The following STX12 variants were observed in gnomAD, a reference collection of about 807,000 sequenced individuals.
STX12 encodes syntaxin 12, also known as syntaxin-12.
In STX12, 17 loss-of-function variants were observed where a neutral mutation model predicts 42.2. The ratio of observed to expected loss-of-function variants is 0.40; its 90% confidence interval spans 0.28 to 0.60. STX12 has a LOEUF of 0.60. Ranked by LOEUF, STX12 falls within the 20% of genes least tolerant of loss-of-function variation. The pLI, the probability that STX12 is intolerant of heterozygous loss-of-function variation, is 0.39. For missense variants in STX12, 297 were observed against 330.9 expected (o/e 0.90, Z 0.79); for synonymous variants, 108 against 116.7 (o/e 0.93, Z 0.48).
At chr1:27,805,064 GAAC>G (rs917027559) in intron 4 of STX12, among the ~76,000 whole-genome samples, 1 of 152,038 alleles carries the variant, frequency 6.6e-6, no homozygotes, top group Non-Finnish European at 1.5e-5. Flanking sequence ...ACTATCACGA[GAAC>G]AACAAGGGGA....
intron 3 of STX12, among the ~76,000 whole-genome samples, chr1:27,797,681 A>G (rs2088796271): frequency 6.6e-6 from 1 of 151,978 alleles, no homozygotes; most frequent in Admixed American, 6.6e-5. Context: ...TCTTCAATTC[A>G]TGTTCTGACA....
chr1:27,783,295 A>G (rs978539180), intron 1 of STX12, among the ~76,000 whole-genome samples: 2 of 152,166 alleles, frequency 1.3e-5, no homozygotes, highest in African/African-American at 4.8e-5. Context: ...ATGAGAGGTC[A>G]GCGATAGGAG....
At chr1:27,821,979 C>T (rs999931617) in intron 8 of STX12, among the ~76,000 whole-genome samples, 4 of 151,890 alleles carry the variant, frequency 2.6e-5, no homozygotes, top group African/African-American at 4.8e-5. Context: ...GATCGCACCA[C>T]GGCACTCCAG....
At chr1:27,774,879 G>C (rs1185047472) in intron 1 of STX12, among the ~76,000 whole-genome samples, 2 of 152,064 alleles carry the variant, frequency 1.3e-5, no homozygotes, top group African/African-American at 4.8e-5. Context: ...TCACTATGTT[G>C]CCCAGGCTCA....
chr1:27,804,868 A>G (rs925928374), intron 4 of STX12, among the ~76,000 whole-genome samples: 2 of 152,054 alleles, frequency 1.3e-5, no homozygotes, highest in African/African-American at 4.8e-5. Context: ...TTTAATTTAT[A>G]TTGAAGTATT....
At chr1:27,785,260 G>C (rs1341553551) in intron 1 of STX12, among the ~76,000 whole-genome samples, 2 of 152,148 alleles carry the variant, frequency 1.3e-5, no homozygotes, top group Non-Finnish European at 2.9e-5. Flanking sequence ...TGTGTGTTGG[G>C]AGGAGTTATA....
At chr1:27,794,410 C>T (rs2088770962) in intron 3 of STX12, among the ~76,000 whole-genome samples, 1 of 152,178 alleles carries the variant, frequency 6.6e-6, no homozygotes, top group Non-Finnish European at 1.5e-5. Context: ...CATGTTCTGT[C>T]ATGAGTTATT....
chr1:27,816,078 G>C (rs1439355253), intron 6 of STX12, among the ~76,000 whole-genome samples: 2 of 152,154 alleles, frequency 1.3e-5, no homozygotes, highest in African/African-American at 4.8e-5. Context: ...CACTTTGGGA[G>C]GCCAAAGTGG....
chr1:27,799,477 G>GTTTTTTTTTGTTTTTTTTT (rs2088811549), intron 3 of STX12, among the ~76,000 whole-genome samples: 2 of 130,714 alleles, frequency 1.5e-5, no homozygotes, highest in African/African-American at 6.4e-5. Context: ...TCATTAGCTT[G>GTTTTTTTTTGTTTTTTTTT]TTTTTTTTTT....
intron 8 of STX12, 149 bp from the exon 9 acceptor site, chr1:27,822,080 TAA>T: frequency 1.7e-6 from 1 of 598,624 alleles, no homozygotes; most frequent in East Asian, 2.8e-5. Context: ...GCTGCTGACT[TAA>T]GATTTCTGGG....
chr1:27,776,679 T>C (rs2088630105), intron 1 of STX12, among the ~76,000 whole-genome samples: 2 of 152,220 alleles, frequency 1.3e-5, no homozygotes, highest in African/African-American at 4.8e-5. Context: ...ATTATGCCAC[T>C]GTACTGCAGC....
At chr1:27,819,754 A>C (rs1164712864) in intron 8 of STX12, 22 bp downstream of exon 8, 1 of 1,609,396 alleles carries the variant, frequency 6.2e-7, no homozygotes, top group Non-Finnish European at 8.5e-7. Flanking sequence ...TACCAAAGAA[A>C]GTCACTCTGT....
intron 7 of STX12, among the ~76,000 whole-genome samples, chr1:27,818,882 C>T (rs2088962853): frequency 6.6e-6 from 1 of 152,156 alleles, no homozygotes; most frequent in Non-Finnish European, 1.5e-5. Flanking sequence ...CCCGCCTTGG[C>T]CTCCCAGGTG....
chr1:27,779,631 C>G (rs940256444), intron 1 of STX12, among the ~76,000 whole-genome samples: 1 of 152,008 alleles, frequency 6.6e-6, no homozygotes, highest in Non-Finnish European at 1.5e-5. Context: ...CGTGCCTGGC[C>G]TGAATCAGAT....
At chr1:27,785,762 A>G (rs1193030342) in intron 1 of STX12, among the ~76,000 whole-genome samples, 1 of 152,158 alleles carries the variant, frequency 6.6e-6, no homozygotes, top group Non-Finnish European at 1.5e-5. Flanking sequence ...CAGAATGGAA[A>G]AGGGAGGCTA....
At chr1:27,797,412 A>G (rs1378346836) in intron 3 of STX12, among the ~76,000 whole-genome samples, 1 of 151,588 alleles carries the variant, frequency 6.6e-6, no homozygotes, top group Non-Finnish European at 1.5e-5. Flanking sequence ...CTGCCCTGAA[A>G]CTTTCTTCTT....
intron 1 of STX12, among the ~76,000 whole-genome samples, chr1:27,774,787 A>C (rs985070355): frequency 1.3e-5 from 2 of 152,158 alleles, no homozygotes; most frequent in Non-Finnish European, 2.9e-5. Flanking sequence ...TGAATTCCTG[A>C]TCAGCTTGCT....
intron 1 of STX12, among the ~76,000 whole-genome samples, chr1:27,781,915 A>G (rs971672508): frequency 1.3e-5 from 2 of 152,050 alleles, no homozygotes; most frequent in African/African-American, 2.4e-5. Context: ...GAGTGCTTTT[A>G]TGTGCCATTG....
intron 4 of STX12, among the ~76,000 whole-genome samples, chr1:27,809,161 C>T (rs1229900154): frequency 6.6e-6 from 1 of 151,978 alleles, no homozygotes; most frequent in Non-Finnish European, 1.5e-5. Context: ...TGGTGAAACC[C>T]CGTCTCTACT....
Sources: gnomAD v4.1 joint callset for allele counts (sites outside exome capture counted in the v4.1 genomes callset) on GRCh38, gnomAD v4.1.1 for gene constraint, MANE v1.5 for transcripts, NCBI Gene and HGNC (gene_info 2026-07-23, HGNC 2026-07-21) for gene names.